The following OSBPL9 variants were observed in gnomAD, a reference collection of about 807,000 sequenced individuals.
The protein encoded by OSBPL9 is oxysterol-binding protein-related protein 9.
In OSBPL9, 40 loss-of-function variants were observed where a neutral mutation model predicts 106.6. The ratio of observed to expected loss-of-function variants is 0.38; its 90% confidence interval spans 0.29 to 0.49. OSBPL9 has a LOEUF of 0.49. OSBPL9 is among the 20% of genes least tolerant of loss of function. The pLI, the probability that OSBPL9 is intolerant of heterozygous loss-of-function variation, is 0.97. For missense variants in OSBPL9, 609 were observed against 887.2 expected, an observed-to-expected ratio of 0.69 and a Z score of 3.98; for synonymous variants, 269 against 295.4, an observed-to-expected ratio of 0.91 and a Z score of 0.92.
chr1:51,780,270 G>T (rs1187220129), intron 15 of OSBPL9, among the ~76,000 whole-genome samples: 1 of 151,816 alleles, frequency 6.6e-6, no homozygotes, highest in South Asian at 2.1e-4. Flanking sequence ...CTGCTGGTGG[G>T]AATGTAAACT....
At chr1:51,671,231 G>A (rs13376577) in intron 3 of OSBPL9, among the ~76,000 whole-genome samples, 20 of 151,354 alleles carry the variant, frequency 1.3e-4, no homozygotes, top group Admixed American at 4.6e-4. Context: ...TTTTTTTTTC[G>A]TTAATGAGAG....
At chr1:51,688,076 C>T (rs1335460229) in intron 3 of OSBPL9, among the ~76,000 whole-genome samples, 1 of 152,062 alleles carries the variant, frequency 6.6e-6, no homozygotes, top group African/African-American at 2.4e-5. Context: ...GACGCTTGAC[C>T]ATGTTCTCTC....
At chr1:51,519,405 T>TGCCCGCCC in the OSBPL9 span, 37,404 of 207,056 alleles carry the variant, frequency 0.18, 5,640 homozygotes, top group Admixed American at 0.24. Context: ...CCCGCCCGCC[T>TGCCCGCCC]GCCCGCCCGC....
At chr1:51,619,507 A>G (rs1644294524) in intron 1 of OSBPL9, among the ~76,000 whole-genome samples, 1 of 152,160 alleles carries the variant, frequency 6.6e-6, no homozygotes, top group African/African-American at 2.4e-5. Flanking sequence ...ATTCCCTAAA[A>G]TATTATCCTT....
the OSBPL9 span, among the ~76,000 whole-genome samples, chr1:51,568,327 G>T: frequency 1.3e-5 from 2 of 152,160 alleles, no homozygotes; most frequent in Non-Finnish European, 2.9e-5. Flanking sequence ...CCCACTTTTA[G>T]CTGGGAAAAT....
chr1:51,602,498 T>G (rs1424683729), intron 2 of OSBPL9, among the ~76,000 whole-genome samples: 2 of 150,530 alleles, frequency 1.3e-5, no homozygotes, highest in Non-Finnish European at 3.0e-5. Flanking sequence ...TCACAGCCCT[T>G]TGGAACCCTG....
the OSBPL9 span, among the ~76,000 whole-genome samples, chr1:51,526,068 G>T: frequency 6.6e-6 from 1 of 152,084 alleles, no homozygotes; most frequent in Non-Finnish European, 1.5e-5. Context: ...GTAGAGACAG[G>T]GTTTTGCCAC....
intron 1 of OSBPL9, among the ~76,000 whole-genome samples, chr1:51,579,482 T>A (rs1009307112): frequency 2.0e-5 from 3 of 152,202 alleles, no homozygotes; most frequent in Non-Finnish European, 4.4e-5. Flanking sequence ...CTGCCTTTAT[T>A]CCACATAATC....
At chr1:51,699,974 A>G (rs1186289175) in intron 3 of OSBPL9, among the ~76,000 whole-genome samples, 1 of 152,208 alleles carries the variant, frequency 6.6e-6, no homozygotes, top group African/African-American at 2.4e-5. Context: ...ATCACAACAG[A>G]AATAATTCTG....
At chr1:51,579,566 C>T (rs1445642893) in intron 1 of OSBPL9, among the ~76,000 whole-genome samples, 1 of 152,112 alleles carries the variant, frequency 6.6e-6, no homozygotes, top group Non-Finnish European at 1.5e-5. Flanking sequence ...ATGTTGTCTA[C>T]ATTTTCAATG....
chr1:51,776,980 T>C (rs1675229394), intron 15 of OSBPL9, 62 bp downstream of exon 15: 1 of 1,299,274 alleles, frequency 7.7e-7, no homozygotes, highest in Non-Finnish European at 1.1e-6. Context: ...CTTTCTGCCT[T>C]TTATTTTGCA....
intron 4 of OSBPL9, among the ~76,000 whole-genome samples, chr1:51,732,775 C>T (rs1382113918): frequency 6.6e-6 from 1 of 152,220 alleles, no homozygotes; most frequent in African/African-American, 2.4e-5. Context: ...TGGGTTGCCG[C>T]TCTTATAGTT....
chr1:51,594,976 C>A (rs1645292702), intron 1 of OSBPL9: 1 of 152,366 alleles, frequency 6.6e-6, no homozygotes, highest in African/African-American at 2.4e-5. Flanking sequence ...TCCTGCGGAA[C>A]CTCGAGTCCC....
intron 1 of OSBPL9, among the ~76,000 whole-genome samples, chr1:51,630,522 TA>T (rs920285103): frequency 3.3e-5 from 5 of 152,090 alleles, no homozygotes; most frequent in Admixed American, 6.6e-5. Flanking sequence ...GTATAAAAGA[TA>T]AAAAATGGTA....
At chr1:51,526,779 T>A in the OSBPL9 span, among the ~76,000 whole-genome samples, 1 of 152,108 alleles carries the variant, frequency 6.6e-6, no homozygotes, top group South Asian at 2.1e-4. Context: ...GGAGTCTCGC[T>A]CTGTCACCAG....
rs1199374953 is a variant in OSBPL9, at chr1:51,788,995, A to AAAG, written c.*1207_*1209dup. 1.3e-5 allele frequency among the ~76,000 whole-genome samples: 2 copies of AAAG among 152,152 alleles called. No individual in the cohort carries two copies. Among genetic ancestry groups the AAAG allele is most frequent in the Non-Finnish European group, 2.9e-5 (2 of 68,030 alleles). On this transcript the variant is annotated 3_prime_UTR_variant, in exon 24 of 24. Coordinates refer to ENST00000428468, the MANE Select transcript of OSBPL9 (RefSeq NM_024586.6). ...GAGAGGACACAGGCCAGGGCTTCTC[A>AAAG]AAGTGCTGCTGCAGGCTTTCTGGTC...
At chr1:51,622,595 C>T (rs1644510083) in intron 1 of OSBPL9, among the ~76,000 whole-genome samples, 1 of 152,180 alleles carries the variant, frequency 6.6e-6, no homozygotes, top group Admixed American at 6.5e-5. Context: ...AGATCAGCTT[C>T]CACGATGACT....
chr1:51,682,420 C>G (rs1652766757), intron 3 of OSBPL9, among the ~76,000 whole-genome samples: 2 of 152,056 alleles, frequency 1.3e-5, no homozygotes. Context: ...TCACAGTTGC[C>G]AAGATATGGA....
intron 3 of OSBPL9, among the ~76,000 whole-genome samples, chr1:51,690,351 C>T (rs566839763): frequency 2.6e-5 from 4 of 152,256 alleles, no homozygotes; most frequent in East Asian, 3.9e-4. Context: ...CCTGGTTGCC[C>T]ACTACAGTGC....
Sources: gnomAD v4.1 joint callset for allele counts (sites outside exome capture counted in the v4.1 genomes callset) on GRCh38, gnomAD v4.1.1 for gene constraint, MANE v1.5 for transcripts, NCBI Gene and HGNC (gene_info 2026-07-23, HGNC 2026-07-21) for gene names.